Variants in STON2 observed in about 807,000 individuals in gnomAD.
STON2 encodes the protein stonin-2.
A neutral mutation model predicts 65.7 loss-of-function variants in STON2; 29 were observed. The observed-to-expected ratio is 0.44, with a 90% CI of 0.33 to 0.60. The LOEUF (loss-of-function observed/expected upper bound fraction) is 0.60, where lower values mean the gene tolerates loss of function less well. Ranked by LOEUF, STON2 falls within the 20% of genes least tolerant of loss-of-function variation. The probability of loss-of-function intolerance (pLI) is 0.03; values close to 1 mark genes in which losing one functional copy is unlikely to be tolerated. For missense variants in STON2, 1,054 were observed against 1,118.1 expected, an observed-to-expected ratio of 0.94 and a Z score of 0.82; for synonymous variants, 404 against 414.2, an observed-to-expected ratio of 0.98 and a Z score of 0.30.
chr14:81,325,792 T>C (rs1458601539), intron 4 of STON2, among the ~76,000 whole-genome samples: 1 of 152,210 alleles, frequency 6.6e-6, no homozygotes, highest in African/African-American at 2.4e-5. Flanking sequence ...TCTAAAATAC[T>C]GGATTACCAC....
chr14:81,368,963 C>T (rs1218448934), intron 4 of STON2, among the ~76,000 whole-genome samples: 3 of 152,142 alleles, frequency 2.0e-5, no homozygotes, highest in South Asian at 2.1e-4. Context: ...TCTGCTCTGG[C>T]GACTGACCTC....
At position 81,351,462 on chromosome 14, in the gene STON2, A is replaced by G. The variant is rs76510690; in HGVS notation, c.571+19526T>C. On this transcript the variant is annotated intron_variant, in intron 4 of 7. Coordinates refer to ENST00000614646, the MANE Select transcript of STON2 (RefSeq NM_001394390.1). ...ACTCCCTAGAGAACCTGCTTGGGAT[A>G]GCTTACTTTGAATTTTTTCTTTAGG... 4.9e-3 allele frequency among the ~76,000 whole-genome samples: 750 copies of G among 152,262 alleles called. 3 individuals are homozygous for G. The highest frequency in any genetic ancestry group is 0.041 in the Middle Eastern group (12 of 294).
At position 81,278,183 on chromosome 14, in the gene STON2, C is replaced by G. The variant is rs1424169313; in HGVS notation, c.1299G>C (p.Gln433His). 6.2e-7 allele frequency: 1 copy of G among 1,614,158 alleles called. No homozygotes were observed. Among genetic ancestry groups the G allele is most frequent in the African/African-American group, 1.3e-5 (1 of 75,036 alleles). Reference sequence around the variant, plus strand: ...GTTTTTCAACAGCATCAGAGTGTGACTGGGTTTTGCTTGAATCATCAAAAC... The same window carrying G: ...GTTTTTCAACAGCATCAGAGTGTGAGTGGGTTTTGCTTGAATCATCAAAAC... ...AISFDDSSKT[Q>H]SHSDAVEKLK... Residue 433 changes from glutamine (Q) to histidine (H), a missense_variant, in exon 6 of 8, where the codon CAG (glutamine) becomes CAC (histidine). By Grantham distance (24) the Gln-to-His change is conservative. Coordinates refer to ENST00000614646, the MANE Select transcript of STON2 (RefSeq NM_001394390.1).
chr14:81,391,452 G>C (rs1378127497), intron 3 of STON2, among the ~76,000 whole-genome samples: 1 of 152,056 alleles, frequency 6.6e-6, no homozygotes, highest in Admixed American at 6.6e-5. Flanking sequence ...GGGCAGGAGT[G>C]GGGGGCTAAC....
intron 3 of STON2, among the ~76,000 whole-genome samples, chr14:81,378,000 A>G (rs1899332865): frequency 6.6e-6 from 1 of 151,910 alleles, no homozygotes; most frequent in Non-Finnish European, 1.5e-5. Context: ...AGCATGTACC[A>G]CCACGCCTGG....
intron 5 of STON2, among the ~76,000 whole-genome samples, chr14:81,317,569 G>C (rs1351753442): frequency 6.6e-6 from 1 of 152,176 alleles, no homozygotes; most frequent in Admixed American, 6.5e-5. Context: ...GAGAGGCTTA[G>C]GCACAAGCCT....
chr14:81,393,803 A>C (rs978604920), intron 3 of STON2, among the ~76,000 whole-genome samples: 1 of 152,188 alleles, frequency 6.6e-6, no homozygotes, highest in Non-Finnish European at 1.5e-5. Context: ...GAGCCTTCTC[A>C]GTGTTAGGTG....
rs369901712 is a variant in STON2, at chr14:81,265,144, T to C, written c.*3270A>G. The C allele has an allele frequency of 1.2e-5, 12 of 985,078 alleles. No homozygotes were observed. In the African/African-American group the frequency reaches 1.9e-4, roughly 16 times the overall value. The allele number at this position is 985,078 out of a possible 1,614,324, so 61.0% of individuals were successfully genotyped here. ...TAGAATCTGCATATCCACAGGTAAT[T>C]TGCCCAACTGTTTTCTATGTAGGTT... On this transcript the variant is annotated 3_prime_UTR_variant, in exon 8 of 8. Transcript: ENST00000614646.
chr14:81,306,337 C>T (rs1047308782), intron 5 of STON2, among the ~76,000 whole-genome samples: 1 of 140,974 alleles, frequency 7.1e-6, no homozygotes, highest in Admixed American at 8.1e-5. Flanking sequence ...TCAAGTGATT[C>T]TCGTGTCTCA....
At chr14:81,283,623 C>T (rs1424892791) in intron 5 of STON2, among the ~76,000 whole-genome samples, 1 of 151,636 alleles carries the variant, frequency 6.6e-6, no homozygotes, top group African/African-American at 2.4e-5. Flanking sequence ...TTCCGCCTCC[C>T]GGGTTCAAGC....
At chr14:81,303,947 G>A (rs1389398692) in intron 5 of STON2, among the ~76,000 whole-genome samples, 2 of 152,138 alleles carry the variant, frequency 1.3e-5, no homozygotes, top group African/African-American at 4.8e-5. Context: ...AATTGCCTTT[G>A]TGCTCCTGAC....
intron 4 of STON2, among the ~76,000 whole-genome samples, chr14:81,326,987 G>A (rs1450170162): frequency 2.0e-5 from 3 of 152,012 alleles, no homozygotes; most frequent in East Asian, 1.9e-4. Context: ...GCAAAACCCC[G>A]TCTCTACTAA....
intron 4 of STON2, among the ~76,000 whole-genome samples, chr14:81,365,776 TA>T (rs1463200573): frequency 1.3e-5 from 2 of 151,546 alleles, no homozygotes; most frequent in East Asian, 1.9e-4. Context: ...AATTAAAAAA[TA>T]AAAAAAAGAA....
intron 4 of STON2, among the ~76,000 whole-genome samples, chr14:81,346,072 A>T (rs1452402788): frequency 6.6e-6 from 1 of 152,204 alleles, no homozygotes; most frequent in East Asian, 1.9e-4. Flanking sequence ...GCTCTTTTCC[A>T]GTAGCTCGGT....
chr14:81,321,510 C>T (rs1464088441), intron 5 of STON2, among the ~76,000 whole-genome samples: 1 of 151,992 alleles, frequency 6.6e-6, no homozygotes, highest in Non-Finnish European at 1.5e-5. Context: ...TGCTCAAAGG[C>T]AAGGCTATCT....
At chr14:81,409,776 A>G (rs920445373) in intron 2 of STON2, among the ~76,000 whole-genome samples, 3 of 152,226 alleles carry the variant, frequency 2.0e-5, no homozygotes, top group African/African-American at 4.8e-5. Context: ...GAAATGAGGT[A>G]TAACTGACAG....
intron 2 of STON2, among the ~76,000 whole-genome samples, chr14:81,419,109 A>G (rs1901580733): frequency 6.6e-6 from 1 of 152,192 alleles, no homozygotes; most frequent in Non-Finnish European, 1.5e-5. Context: ...ACTCTTTATC[A>G]TTCTCATATT....
intron 4 of STON2, among the ~76,000 whole-genome samples, chr14:81,356,096 G>GGGACT (rs1447163278): frequency 1.4e-4 from 22 of 152,194 alleles, no homozygotes; most frequent in African/African-American, 5.3e-4. Context: ...AGTTTTCAAA[G>GGGACT]GGAATGCTTC....
At position 81,267,447 on chromosome 14, in the gene STON2, GT is replaced by G; in HGVS notation, c.*966del. The G allele has an allele frequency of 1.0e-6, 1 of 985,228 alleles. No individual in the cohort carries two copies. The highest frequency in any genetic ancestry group is 1.2e-6 in the Non-Finnish European group (1 of 829,854). The allele number at this position is 985,228 out of a possible 1,614,324, so 61.0% of individuals were successfully genotyped here. A position where few individuals can be genotyped will look rare whatever the true frequency, so the allele number is the denominator to read the frequency against. ...CAGCTTAAATTTCCTATAAAGTTGG[GT>G]TAAAGGGACATGCAACTGTCTATTG... is the stretch of plus-strand genomic sequence containing the variant. On this transcript the variant is annotated 3_prime_UTR_variant, in exon 8 of 8. Transcript: ENST00000614646.
Sources: gnomAD v4.1 joint callset for allele counts (sites outside exome capture counted in the v4.1 genomes callset) on GRCh38, gnomAD v4.1.1 for gene constraint, MANE v1.5 for transcripts, NCBI Gene and HGNC (gene_info 2026-07-23, HGNC 2026-07-21) for gene names.